LARGE1: variants seen among roughly 807,000 people sequenced by gnomAD.
The protein encoded by LARGE1 is xylosyl- and glucuronyltransferase LARGE1.
In LARGE1, 43 loss-of-function variants were observed where a neutral mutation model predicts 87.6. The ratio of observed to expected loss-of-function variants is 0.49; its 90% confidence interval spans 0.38 to 0.63. LARGE1 has a LOEUF of 0.63. Ranked by LOEUF, LARGE1 falls within the 30% of genes least tolerant of loss-of-function variation. The probability of loss-of-function intolerance (pLI) is 0.00; values close to 1 mark genes in which losing one functional copy is unlikely to be tolerated. For synonymous variants in LARGE1, 434 were observed against 394.6 expected (o/e 1.10, Z -1.18); for missense variants, 802 against 1,000.2 (o/e 0.80, Z 2.67).
intron 4 of LARGE1, among the ~76,000 whole-genome samples, chr22:33,614,514 T>C (rs1180067644): frequency 6.6e-6 from 1 of 152,072 alleles, no homozygotes; most frequent in Non-Finnish European, 1.5e-5. Context: ...GATCTCACCC[T>C]ATCTGTCCCT....
intron 6 of LARGE1, among the ~76,000 whole-genome samples, chr22:33,538,795 T>C (rs756090244): frequency 6.6e-6 from 1 of 152,112 alleles, no homozygotes; most frequent in Non-Finnish European, 1.5e-5. Context: ...TTCCAGCAAA[T>C]GGGTTCTAGA....
chr22:33,120,398 C>CTTTCT, the LARGE1 span, among the ~76,000 whole-genome samples: 4 of 94,016 alleles, frequency 4.3e-5, no homozygotes, highest in Non-Finnish European at 8.1e-5. Flanking sequence ...TTCTTTCTTT[C>CTTTCT]TTTCTTTCTT....
At chr22:33,800,510 T>G (rs1456532474) in intron 1 of LARGE1, among the ~76,000 whole-genome samples, 1 of 152,168 alleles carries the variant, frequency 6.6e-6, no homozygotes, top group Non-Finnish European at 1.5e-5. Context: ...TACAGAACTG[T>G]TCTATCATCC....
At chr22:33,324,068 C>T (rs1440694403) in intron 10 of LARGE1, among the ~76,000 whole-genome samples, 4 of 151,618 alleles carry the variant, frequency 2.6e-5, no homozygotes. Flanking sequence ...CCCATCTCTA[C>T]TAAAAATACA....
chr22:33,689,168 C>CTCTCT (rs2082025894), intron 2 of LARGE1, among the ~76,000 whole-genome samples: 8 of 71,888 alleles, frequency 1.1e-4, no homozygotes, highest in Admixed American at 1.5e-4. Context: ...TCTCTCTCTC[C>CTCTCT]CCCCTCCTGT....
intron 7 of LARGE1, among the ~76,000 whole-genome samples, chr22:33,421,180 C>A (rs1344975184): frequency 6.6e-6 from 1 of 151,522 alleles, no homozygotes; most frequent in Non-Finnish European, 1.5e-5. Context: ...ACAGAGTGAG[C>A]CTCTGTTTCA....
chr22:33,580,586 G>T (rs2078488887), intron 5 of LARGE1, among the ~76,000 whole-genome samples: 1 of 152,106 alleles, frequency 6.6e-6, no homozygotes, highest in Non-Finnish European at 1.5e-5. Context: ...TTACCACATG[G>T]CATCAGTTGT....
intron 5 of LARGE1, among the ~76,000 whole-genome samples, chr22:33,570,948 AT>A (rs985707346): frequency 2.6e-5 from 4 of 152,004 alleles, no homozygotes; most frequent in Non-Finnish European, 5.9e-5. Context: ...CACCAGGCAA[AT>A]TTTCCCGAGA....
Position 33,217,936 on chromosome 22 carries a change from TTC to T in LARGE1, c.1731-51106_1731-51105del, listed in dbSNP as rs1263807083. On this transcript the variant is annotated intron_variant, in intron 11 of 11. Coordinates refer to the LARGE1 transcript ENST00000608642. ...AACTGGCCTTATCATAACTTTTTTTTTCTTTTTTTTTTAGATGGAGTCTCACT... is the reference window on the plus strand; with the variant it reads ...AACTGGCCTTATCATAACTTTTTTTTTTTTTTTTTTAGATGGAGTCTCACT... Among the ~76,000 whole-genome samples the T allele has an allele frequency of 4.1e-3, 617 of 151,958 alleles. 1 individual carries two copies. The highest frequency in any genetic ancestry group is 0.014 in the African/African-American group (578 of 41,380).
chr22:33,798,120 G>T (rs1040902676), intron 1 of LARGE1, among the ~76,000 whole-genome samples: 1 of 151,990 alleles, frequency 6.6e-6, no homozygotes, highest in Non-Finnish European at 1.5e-5. Flanking sequence ...TGAAATAGCC[G>T]TCTCTACTAA....
intron 4 of LARGE1, among the ~76,000 whole-genome samples, chr22:33,619,554 C>CAAA (rs553269111): frequency 0.017 from 1,013 of 59,082 alleles, 20 homozygotes; most frequent in African/African-American, 0.049. Flanking sequence ...GACTCTGTCT[C>CAAA]AAAAAAAAAA....
At chr22:33,775,475 G>T (rs2085203405) in intron 1 of LARGE1, among the ~76,000 whole-genome samples, 1 of 151,182 alleles carries the variant, frequency 6.6e-6, no homozygotes, top group South Asian at 2.1e-4. Flanking sequence ...TCCCCATGGG[G>T]AGCCTCTAAG....
chr22:33,725,253 G>T (rs1601429363), intron 2 of LARGE1, among the ~76,000 whole-genome samples: 1 of 152,298 alleles, frequency 6.6e-6, no homozygotes, highest in East Asian at 1.9e-4. Flanking sequence ...GCTACTGCAT[G>T]GGGCGAGGGA....
chr22:33,322,370 T>G (rs1936825609), intron 10 of LARGE1: 1 of 152,258 alleles, frequency 6.6e-6, no homozygotes, highest in South Asian at 2.1e-4. Context: ...TATACTTTTC[T>G]GTAGTTAATT....
At chr22:33,172,423 G>A (rs771129569) in intron 11 of LARGE1, among the ~76,000 whole-genome samples, 25 of 146,388 alleles carry the variant, frequency 1.7e-4, no homozygotes, top group Non-Finnish European at 2.4e-4. Context: ...AGATATTATG[G>A]TTAAAAAGTG....
At chr22:33,575,796 C>T (rs1226230569) in intron 5 of LARGE1, among the ~76,000 whole-genome samples, 6 of 152,132 alleles carry the variant, frequency 3.9e-5, no homozygotes, top group South Asian at 4.2e-4. Flanking sequence ...GGAATGTGAT[C>T]GTGGATCTAC....
intron 1 of LARGE1, among the ~76,000 whole-genome samples, chr22:33,884,978 C>A (rs184178689): frequency 6.6e-6 from 1 of 152,294 alleles, no homozygotes; most frequent in African/African-American, 2.4e-5. Context: ...GCAGGTAAAA[C>A]CTTGGGAAGA....
At chr22:33,798,090 T>C (rs781055187) in intron 1 of LARGE1, among the ~76,000 whole-genome samples, 1 of 152,128 alleles carries the variant, frequency 6.6e-6, no homozygotes, top group African/African-American at 2.4e-5. Context: ...CTGGCCAACA[T>C]GGCGAAAACC....
intron 2 of LARGE1, among the ~76,000 whole-genome samples, chr22:33,698,611 C>T (rs1056142842): frequency 6.6e-6 from 1 of 152,162 alleles, no homozygotes; most frequent in Admixed American, 6.5e-5. Flanking sequence ...AGCCAACAAA[C>T]CCTTAGCTTA....
Sources: gnomAD v4.1 joint callset for allele counts (sites outside exome capture counted in the v4.1 genomes callset) on GRCh38, gnomAD v4.1.1 for gene constraint, MANE v1.5 for transcripts, NCBI Gene and HGNC (gene_info 2026-07-23, HGNC 2026-07-21) for gene names.